Variants in MXI1 observed in about 807,000 individuals in gnomAD.
MXI1 encodes MAX interactor 1, dimerization protein, also known as max-interacting protein 1.
A neutral mutation model predicts 36.9 loss-of-function variants in MXI1; 18 were observed. The observed-to-expected ratio is 0.49, with a 90% confidence interval of 0.34 to 0.72. MXI1 has a LOEUF of 0.72. MXI1 is among the 30% of genes least tolerant of loss of function. The pLI is 0.01. For missense variants in MXI1, 304 were observed against 379.1 expected, an observed-to-expected ratio of 0.80 and a Z score of 1.64; for synonymous variants, 160 against 146.7, an observed-to-expected ratio of 1.09 and a Z score of -0.65.
intron 1 of MXI1, among the ~76,000 whole-genome samples, chr10:110,224,885 T>G (rs1422436348): frequency 6.6e-6 from 1 of 152,144 alleles, no homozygotes; most frequent in African/African-American, 2.4e-5. Flanking sequence ...TGACCTCAGG[T>G]GATCCGCCCA....
intron 3 of MXI1, among the ~76,000 whole-genome samples, chr10:110,245,138 A>T (rs556733723): frequency 6.6e-6 from 1 of 152,266 alleles, no homozygotes; most frequent in Admixed American, 6.5e-5. Flanking sequence ...TTACAAGCTC[A>T]TGGTTTAAAT....
intron 3 of MXI1, among the ~76,000 whole-genome samples, chr10:110,259,452 A>G (rs2134425878): frequency 6.6e-6 from 1 of 152,204 alleles, no homozygotes; most frequent in South Asian, 2.1e-4. Flanking sequence ...TTTGCTGCAT[A>G]TTGTAAAGGA....
chr10:110,209,924 C>T lies in MXI1; in HGVS notation c.274+1842C>T, dbSNP rs1029191322. ...GTGGCAAACCTGGCTTGCCCCCCTA[C>T]CCCAGCCACCCCCCCTCACCAGCGA... is the stretch of plus-strand genomic sequence containing the variant. On this transcript the variant is annotated intron_variant, in intron 1 of 5. Transcript: ENST00000332674. Among the ~76,000 whole-genome samples the T allele has an allele frequency of 2.0e-5, 3 of 150,192 alleles. 1 individual carries two copies. The highest frequency in any genetic ancestry group is 7.4e-5 in the African/African-American group (3 of 40,688).
At chr10:110,262,419 A>G (rs977367545) in intron 3 of MXI1, among the ~76,000 whole-genome samples, 5 of 152,040 alleles carry the variant, frequency 3.3e-5, no homozygotes, top group East Asian at 1.9e-4. Context: ...TTGTATTTCT[A>G]TATGTACATG....
chr10:110,221,178 A>G (rs756446437), intron 1 of MXI1, among the ~76,000 whole-genome samples: 2 of 152,214 alleles, frequency 1.3e-5, no homozygotes, highest in African/African-American at 2.4e-5. Context: ...TGGGAATGCA[A>G]CTTCGTCTTG....
chr10:110,226,998 T>C (rs1273221294), intron 1 of MXI1, among the ~76,000 whole-genome samples: 1 of 3,308 alleles, frequency 3.0e-4, no homozygotes. Context: ...GGCGCGCGCG[T>C]GTGTGTGAGG....
At chr10:110,214,207 G>A (rs1854573796) in intron 1 of MXI1, among the ~76,000 whole-genome samples, 1 of 152,166 alleles carries the variant, frequency 6.6e-6, no homozygotes, top group South Asian at 2.1e-4. Flanking sequence ...CTTACTCAAG[G>A]TCACCCAGGA....
At chr10:110,259,217 C>A (rs1301338303) in intron 3 of MXI1, among the ~76,000 whole-genome samples, 3 of 151,958 alleles carry the variant, frequency 2.0e-5, no homozygotes, top group Non-Finnish European at 4.4e-5. Flanking sequence ...AACAATTCTT[C>A]TCAAACTATG....
At chr10:110,255,562 A>G (rs1278130816) in intron 3 of MXI1, among the ~76,000 whole-genome samples, 1 of 152,206 alleles carries the variant, frequency 6.6e-6, no homozygotes, top group Non-Finnish European at 1.5e-5. Flanking sequence ...TTACATGTAC[A>G]ATAGCATCTA....
At chr10:110,260,323 G>A (rs887860199) in intron 3 of MXI1, among the ~76,000 whole-genome samples, 1 of 151,736 alleles carries the variant, frequency 6.6e-6, no homozygotes, top group Admixed American at 6.6e-5. Context: ...GTAAAGTTTT[G>A]TACAGTTTTG....
intron 1 of MXI1, among the ~76,000 whole-genome samples, chr10:110,222,398 C>T (rs143942721): frequency 2.4e-4 from 37 of 152,320 alleles, no homozygotes; most frequent in African/African-American, 8.9e-4. Context: ...CCCCATCTCG[C>T]CTCCCTGAAG....
At chr10:110,209,397 T>A (rs1383115120) in intron 1 of MXI1, among the ~76,000 whole-genome samples, 2 of 151,718 alleles carry the variant, frequency 1.3e-5, no homozygotes, top group Non-Finnish European at 2.9e-5. Context: ...TCTTGCAACC[T>A]TCCCCCCACC....
intron 2 of MXI1, among the ~76,000 whole-genome samples, chr10:110,228,763 A>G (rs1028030698): frequency 2.0e-5 from 3 of 152,194 alleles, no homozygotes; most frequent in African/African-American, 7.2e-5. Flanking sequence ...TAGTGAGCGG[A>G]TGTGGTTATT....
At chr10:110,271,321 C>T (rs1564724117) in intron 3 of MXI1, among the ~76,000 whole-genome samples, 1 of 152,258 alleles carries the variant, frequency 6.6e-6, no homozygotes, top group East Asian at 1.9e-4. Flanking sequence ...ATTGTTACCT[C>T]AACTTTGGTG....
intron 3 of MXI1, among the ~76,000 whole-genome samples, chr10:110,258,116 A>C (rs1281652963): frequency 6.6e-6 from 1 of 152,342 alleles, no homozygotes; most frequent in Middle Eastern, 3.4e-3. Flanking sequence ...CAACAAAATT[A>C]AGAAGTATAG....
chr10:110,243,326 A>G (rs1247667986), intron 2 of MXI1, among the ~76,000 whole-genome samples: 2 of 152,088 alleles, frequency 1.3e-5, no homozygotes, highest in African/African-American at 4.8e-5. Flanking sequence ...TTAAATGAAT[A>G]TCAGTCTTTT....
intron 3 of MXI1, among the ~76,000 whole-genome samples, chr10:110,248,787 AG>A (rs1202480928): frequency 6.6e-6 from 1 of 152,064 alleles, no homozygotes; most frequent in South Asian, 2.1e-4. Context: ...CTATTCCCTG[AG>A]GCTTCATTGA....
chr10:110,219,106 C>T (rs1467469091), intron 1 of MXI1, among the ~76,000 whole-genome samples: 1 of 152,178 alleles, frequency 6.6e-6, no homozygotes, highest in Non-Finnish European at 1.5e-5. Flanking sequence ...TCGAGACCAG[C>T]CTGGCCAATA....
chr10:110,269,629 C>A (rs1193362186), intron 3 of MXI1, among the ~76,000 whole-genome samples: 2 of 152,152 alleles, frequency 1.3e-5, no homozygotes, highest in Non-Finnish European at 2.9e-5. Flanking sequence ...GCATTTTGTA[C>A]ATAAAATTAG....
Sources: allele counts gnomAD v4.1 joint callset (sites outside exome capture counted in the v4.1 genomes callset), GRCh38; gene constraint gnomAD v4.1.1; transcripts MANE v1.5; gene names NCBI Gene and HGNC (gene_info 2026-07-23, HGNC 2026-07-21).